Variants in RNF13 observed in about 807,000 individuals in gnomAD.
The protein encoded by RNF13 is E3 ubiquitin-protein ligase RNF13.
In RNF13, 19 loss-of-function variants were observed where a neutral mutation model predicts 37.7. That is an observed-to-expected ratio of 0.50 (90% CI 0.35 to 0.74). RNF13 has a LOEUF of 0.74. RNF13 is among the 30% of genes least tolerant of loss of function. RNF13 has a pLI of 0.01. For synonymous variants in RNF13, 144 were observed against 157.8 expected (o/e 0.91, Z 0.65); for missense variants, 375 against 453.0 (o/e 0.83, Z 1.56).
chr3:149,831,083 C>G (rs527335343), intron 1 of RNF13, among the ~76,000 whole-genome samples: 2 of 152,374 alleles, frequency 1.3e-5, no homozygotes, highest in African/African-American at 4.8e-5. Context: ...CCTGGATGTC[C>G]AGACAGAAGT....
intron 3 of RNF13, among the ~76,000 whole-genome samples, chr3:149,861,780 C>T (rs1248047116): frequency 6.6e-6 from 1 of 152,094 alleles, no homozygotes; most frequent in East Asian, 1.9e-4. Flanking sequence ...TGCTGGAAGA[C>T]AGAACTTGAA....
At chr3:149,869,929 A>G (rs181963388) in intron 3 of RNF13, among the ~76,000 whole-genome samples, 73 of 151,952 alleles carry the variant, frequency 4.8e-4, no homozygotes, top group African/African-American at 1.8e-3. Context: ...AGTTCCCAAC[A>G]GGGATATCTT....
intron 5 of RNF13, among the ~76,000 whole-genome samples, chr3:149,898,866 T>C (rs1288500531): frequency 2.0e-5 from 3 of 152,116 alleles, no homozygotes; most frequent in African/African-American, 7.2e-5. Context: ...CTATTTTAGA[T>C]AGGGTGGTCA....
intron 3 of RNF13, among the ~76,000 whole-genome samples, chr3:149,857,737 C>G (rs977685984): frequency 6.6e-6 from 1 of 152,228 alleles, no homozygotes; most frequent in Non-Finnish European, 1.5e-5. Flanking sequence ...TTCCCCCACT[C>G]TATGCTTAGG....
chr3:149,825,823 A>G (rs528747226), intron 1 of RNF13, among the ~76,000 whole-genome samples: 80 of 152,352 alleles, frequency 5.3e-4, no homozygotes, highest in Middle Eastern at 6.8e-3. Context: ...ATAAAAGTGT[A>G]TACTTTGATA....
intron 8 of RNF13, among the ~76,000 whole-genome samples, chr3:149,959,405 TTCTA>T (rs773223662): frequency 2.4e-5 from 2 of 84,884 alleles, no homozygotes; most frequent in Admixed American, 1.3e-4. Context: ...ATTAATAAAT[TTCTA>T]TGATTATAAA....
At chr3:149,891,657 A>G (rs1714708301) in intron 4 of RNF13, among the ~76,000 whole-genome samples, 1 of 152,258 alleles carries the variant, frequency 6.6e-6, no homozygotes, top group African/African-American at 2.4e-5. Flanking sequence ...CTCCTTAAAA[A>G]GGCAGATTGC....
chr3:149,845,551 T>C (rs55848928), intron 1 of RNF13, among the ~76,000 whole-genome samples: 4,036 of 152,318 alleles, frequency 0.026, 69 homozygotes, highest in South Asian at 0.036. Context: ...CTGATGTTGG[T>C]ACAATATACA....
At chr3:149,864,988 A>G (rs948243227) in intron 3 of RNF13, among the ~76,000 whole-genome samples, 1 of 152,136 alleles carries the variant, frequency 6.6e-6, no homozygotes, top group African/African-American at 2.4e-5. Context: ...TTGGGAGAAG[A>G]TATTTATTAA....
intron 3 of RNF13, among the ~76,000 whole-genome samples, chr3:149,862,271 C>T (rs1429321176): frequency 6.6e-6 from 1 of 151,834 alleles, no homozygotes; most frequent in Non-Finnish European, 1.5e-5. Flanking sequence ...CAAGCATAGA[C>T]TAGAGTATGA....
rs189066781 is a variant in RNF13 at position 149,835,921 on chromosome 3, T to C, written c.-16-10090T>C. Among the ~76,000 whole-genome samples, 957 of 149,414 alleles carry C rather than the reference T, an allele frequency of 6.4e-3. 5 individuals are homozygous for C. The highest frequency in any genetic ancestry group is 8.9e-3 in the Non-Finnish European group (596 of 67,046). ...GCTGGATTCCCAGTACTGGGATTGC[T>C]GGATCAAATGGTAGTTCTACTTTTG... On this transcript the variant is annotated intron_variant, in intron 1 of 9. Transcript: ENST00000392894.
rs150859347 is a variant in RNF13 at position 149,821,723 on chromosome 3, C to T, written c.-17+8370C>T. Among the ~76,000 whole-genome samples, 101 of 152,104 alleles carry T rather than the reference C, an allele frequency of 6.6e-4. 1 individual carries two copies. The highest frequency in any genetic ancestry group is 2.4e-3 in the African/African-American group (98 of 41,516). The stretch of plus-strand genomic sequence containing the variant: ...ATGCTTTTGGTGTCATATCAAGAAT[C>T]CATTTCCAAATCCCAGGCCATGAAG... On this transcript the variant is annotated intron_variant, in intron 1 of 9. Coordinates refer to ENST00000392894, the MANE Select transcript of RNF13 (RefSeq NM_183381.3).
In RNF13 at chr3:149,961,538, G is replaced by C. The variant is rs998955745; in HGVS notation, c.*434G>C. ...TTGGAATATGTTCTGGCATTTACCTGACCTGCCAATCATTAGGGAGAGGCA... is the reference window on the plus strand; with the variant it reads ...TTGGAATATGTTCTGGCATTTACCTCACCTGCCAATCATTAGGGAGAGGCA... On this transcript the variant is annotated 3_prime_UTR_variant, in exon 10 of 10. Coordinates refer to ENST00000392894, the MANE Select transcript of RNF13 (RefSeq NM_183381.3). The C allele has an allele frequency of 1.9e-5, 6 of 315,854 alleles. No homozygotes were observed. The highest frequency in any genetic ancestry group is 1.1e-4 in the African/African-American group (5 of 44,864). 19.6% of individuals were successfully genotyped at this position (315,854 alleles called of 1,614,324 possible).
At chr3:149,891,716 G>T (rs1448400971) in intron 4 of RNF13, among the ~76,000 whole-genome samples, 1 of 152,106 alleles carries the variant, frequency 6.6e-6, no homozygotes, top group South Asian at 2.1e-4. Flanking sequence ...TTTGGTGGCT[G>T]TTTTGGATTT....
intron 8 of RNF13, among the ~76,000 whole-genome samples, chr3:149,959,296 G>A (rs542873119): frequency 6.6e-6 from 1 of 152,194 alleles, no homozygotes; most frequent in East Asian, 1.9e-4. Flanking sequence ...CCAAAAGTGC[G>A]AGACTCCGTC....
rs552365544 is a variant in RNF13 at position 149,843,533 on chromosome 3, C to CA, written c.-16-2474dup. Among the ~76,000 whole-genome samples, 20 of 152,336 alleles carry CA rather than the reference C, an allele frequency of 1.3e-4. No homozygotes were observed. In the South Asian group the frequency reaches 3.9e-3, roughly 30 times the overall value. On this transcript the variant is annotated intron_variant, in intron 1 of 9. Transcript: ENST00000392894. ...AAAGGCAATAAATGCAAAAAACCCT[C>CA]AAAACATGCTACATGTCATTGAATA...
chr3:149,832,772 G>T (rs1232395129), intron 1 of RNF13, among the ~76,000 whole-genome samples: 1 of 152,092 alleles, frequency 6.6e-6, no homozygotes, highest in Admixed American at 6.5e-5. Context: ...CAAGAAATTG[G>T]ATAACCTAGA....
At chr3:149,939,039 G>A (rs1719989398) in intron 8 of RNF13, 1 of 486,626 alleles carries the variant, frequency 2.1e-6, no homozygotes. Context: ...CTCCTGGTCA[G>A]TCATCCGGAA....
chr3:149,842,476 A>G (rs895648140), intron 1 of RNF13, among the ~76,000 whole-genome samples: 2 of 152,218 alleles, frequency 1.3e-5, no homozygotes, highest in Non-Finnish European at 2.9e-5. Flanking sequence ...TTTTAGAGAT[A>G]AAGCAATTTT....
Sources: gnomAD v4.1 joint callset for allele counts (sites outside exome capture counted in the v4.1 genomes callset) on GRCh38, gnomAD v4.1.1 for gene constraint, MANE v1.5 for transcripts, NCBI Gene and HGNC (gene_info 2026-07-23, HGNC 2026-07-21) for gene names.